Variants in DPP10 observed in about 807,000 individuals in gnomAD.
DPP10 encodes the protein inactive dipeptidyl peptidase 10.
DPP10 carries 33 observed loss-of-function variants against 120.9 expected under a neutral mutation model. The observed-to-expected ratio is 0.27, with a 90% CI of 0.21 to 0.37. DPP10 has a LOEUF of 0.37. Ranked by LOEUF, DPP10 falls within the 10% of genes least tolerant of loss-of-function variation. The pLI is 1.00. For missense variants in DPP10, 816 were observed against 942.8 expected, an observed-to-expected ratio of 0.87 and a Z score of 1.76; for synonymous variants, 337 against 326.1, an observed-to-expected ratio of 1.03 and a Z score of -0.36.
intron 1 of DPP10, among the ~76,000 whole-genome samples, chr2:114,486,691 T>C (rs917153960): frequency 5.3e-5 from 8 of 152,290 alleles, no homozygotes; most frequent in Admixed American, 2.6e-4. Flanking sequence ...GATTTGTTTT[T>C]TTTCTTTTCA....
chr2:115,371,662 A>G (rs1348184156), intron 3 of DPP10, among the ~76,000 whole-genome samples: 7 of 152,126 alleles, frequency 4.6e-5, no homozygotes, highest in Admixed American at 3.3e-4. Context: ...CTTATTAAGA[A>G]TGCTGTGATG....
At chr2:114,492,856 A>G (rs867714272) in intron 1 of DPP10, among the ~76,000 whole-genome samples, 6 of 152,168 alleles carry the variant, frequency 3.9e-5, no homozygotes, top group Admixed American at 2.6e-4. Context: ...ATTTTCATTT[A>G]ACAAATGTTT....
At chr2:115,341,448 T>C (rs2063442433) in intron 2 of DPP10, among the ~76,000 whole-genome samples, 1 of 152,122 alleles carries the variant, frequency 6.6e-6, no homozygotes, top group Non-Finnish European at 1.5e-5. Flanking sequence ...CTCATGAACC[T>C]ATATTGACAC....
At chr2:115,407,706 G>A (rs994388356) in intron 3 of DPP10, among the ~76,000 whole-genome samples, 3 of 151,930 alleles carry the variant, frequency 2.0e-5, no homozygotes, top group South Asian at 2.1e-4. Context: ...TTTTGCCAGC[G>A]TGTTAGGCTT....
chr2:114,529,620 T>A (rs1685790500), intron 1 of DPP10, among the ~76,000 whole-genome samples: 1 of 152,174 alleles, frequency 6.6e-6, no homozygotes, highest in South Asian at 2.1e-4. Context: ...AATTCTCTGC[T>A]CCTTTCTTGC....
chr2:115,726,667 A>C (rs1188796811), intron 7 of DPP10, among the ~76,000 whole-genome samples: 2 of 152,146 alleles, frequency 1.3e-5, no homozygotes, highest in Non-Finnish European at 2.9e-5. Flanking sequence ...TGGAATTAAT[A>C]ATTAAATACA....
At chr2:114,658,579 A>G (rs939738574) in intron 1 of DPP10, among the ~76,000 whole-genome samples, 1 of 152,144 alleles carries the variant, frequency 6.6e-6, no homozygotes, top group African/African-American at 2.4e-5. Flanking sequence ...TAGGTGTTTA[A>G]ATTTTCAGTA....
intron 7 of DPP10, among the ~76,000 whole-genome samples, chr2:115,718,363 A>G (rs2092557030): frequency 6.6e-6 from 1 of 152,178 alleles, no homozygotes; most frequent in African/African-American, 2.4e-5. Context: ...TACAAAGAGC[A>G]ATTGACACTG....
chr2:114,762,012 T>G (rs1680323628), intron 1 of DPP10, among the ~76,000 whole-genome samples: 1 of 152,106 alleles, frequency 6.6e-6, no homozygotes, highest in Admixed American at 6.5e-5. Context: ...TAGCTGCTAC[T>G]TTCCCTGTCT....
intron 5 of DPP10, among the ~76,000 whole-genome samples, chr2:115,632,514 T>C (rs1020834768): frequency 6.6e-5 from 10 of 152,178 alleles, no homozygotes; most frequent in Non-Finnish European, 1.0e-4. Context: ...CTTCCTACAA[T>C]AGCTCTTACA....
intron 3 of DPP10, among the ~76,000 whole-genome samples, chr2:115,375,928 G>A (rs1027834269): frequency 6.6e-6 from 1 of 152,170 alleles, no homozygotes; most frequent in Non-Finnish European, 1.5e-5. Context: ...ATTACAATTT[G>A]ACATGAGATT....
chr2:115,268,630 TTAG>T (rs1312795703), intron 1 of DPP10, among the ~76,000 whole-genome samples: 2 of 152,124 alleles, frequency 1.3e-5, no homozygotes. Context: ...AACAAAGATA[TTAG>T]TAGAAAAATG....
intron 5 of DPP10, among the ~76,000 whole-genome samples, chr2:115,673,552 G>A (rs1038725249): frequency 4.6e-5 from 7 of 152,104 alleles, no homozygotes; most frequent in African/African-American, 7.2e-5. Context: ...TGAAAGAATC[G>A]TATTTCTTCT....
chr2:114,450,459 A>G (rs1302855639), intron 1 of DPP10, among the ~76,000 whole-genome samples: 2 of 151,978 alleles, frequency 1.3e-5, no homozygotes, highest in Non-Finnish European at 2.9e-5. Flanking sequence ...CTCAGTACCT[A>G]TCCTAATATC....
At chr2:114,762,972 G>A (rs1329812363) in intron 1 of DPP10, among the ~76,000 whole-genome samples, 2 of 152,152 alleles carry the variant, frequency 1.3e-5, no homozygotes, top group Non-Finnish European at 1.5e-5. Context: ...ATATATATAT[G>A]TCATATGTCA....
At chr2:115,688,403 C>T (rs1210256656) in intron 5 of DPP10, among the ~76,000 whole-genome samples, 1 of 152,056 alleles carries the variant, frequency 6.6e-6, no homozygotes, top group African/African-American at 2.4e-5. Context: ...GAAGAAATAA[C>T]AATTTGACTT....
intron 1 of DPP10, among the ~76,000 whole-genome samples, chr2:114,963,779 G>T (rs1279644192): frequency 1.3e-5 from 2 of 152,146 alleles, no homozygotes; most frequent in African/African-American, 4.8e-5. Context: ...TGTCGCAAGG[G>T]ATTTGCTAAA....
At chr2:115,441,106 T>TA (rs2072004682) in intron 3 of DPP10, 1 of 152,148 alleles carries the variant, frequency 6.6e-6, no homozygotes, top group South Asian at 2.1e-4. Context: ...AGTAGCGAGT[T>TA]AGAGTAAAAA....
intron 3 of DPP10, among the ~76,000 whole-genome samples, chr2:115,494,087 T>G (rs556188077): frequency 1.1e-3 from 172 of 152,210 alleles, no homozygotes; most frequent in Non-Finnish European, 2.1e-3. Context: ...TAGCTGGGAC[T>G]ACAGGTGTGC....
Sources: allele counts gnomAD v4.1 joint callset (sites outside exome capture counted in the v4.1 genomes callset), GRCh38; gene constraint gnomAD v4.1.1; transcripts MANE v1.5; gene names NCBI Gene and HGNC (gene_info 2026-07-23, HGNC 2026-07-21).